PIGU: variants seen among roughly 807,000 people sequenced by gnomAD.
PIGU encodes GPI-anchor transamidase component PIGU.
In PIGU, 24 loss-of-function variants were observed where a neutral mutation model predicts 49.9. The ratio of observed to expected loss-of-function variants is 0.48; its 90% CI spans 0.35 to 0.68. The LOEUF (loss-of-function observed/expected upper bound fraction) is 0.68, where lower values mean the gene tolerates loss of function less well. PIGU is among the 30% of genes least tolerant of loss of function. PIGU has a pLI of 0.01. For missense variants in PIGU, 490 were observed against 532.6 expected (o/e 0.92, Z 0.79); for synonymous variants, 220 against 205.7 (o/e 1.07, Z -0.59).
intron 7 of PIGU, among the ~76,000 whole-genome samples, chr20:34,614,292 C>T (rs918330745): frequency 6.6e-6 from 1 of 151,772 alleles, no homozygotes; most frequent in African/African-American, 2.4e-5. Context: ...GAGTGAGACA[C>T]TGTCTCAAAA....
At chr20:34,657,642 T>C (rs959290658) in intron 1 of PIGU, among the ~76,000 whole-genome samples, 2 of 152,130 alleles carry the variant, frequency 1.3e-5, no homozygotes, top group African/African-American at 4.8e-5. Context: ...TGCTGCTCAT[T>C]TGAGTGACAT....
chr20:34,600,385 C>T (rs1265397126), intron 7 of PIGU, among the ~76,000 whole-genome samples: 1 of 147,056 alleles, frequency 6.8e-6, no homozygotes, highest in African/African-American at 2.5e-5. Flanking sequence ...CCAGCCTGGG[C>T]GACAGAGAAA....
At chr20:34,578,904 T>C (rs1032988743) in intron 10 of PIGU, 1 of 152,092 alleles carries the variant, frequency 6.6e-6, no homozygotes, top group African/African-American at 2.4e-5. Context: ...TGGAATCAGG[T>C]TCCCCACCAC....
chr20:34,631,225 T>G (rs1005838842), intron 6 of PIGU, among the ~76,000 whole-genome samples: 1 of 151,882 alleles, frequency 6.6e-6, no homozygotes, highest in Non-Finnish European at 1.5e-5. Context: ...ATAGAGGAGC[T>G]GGAAGATAAA....
chr20:34,605,033 G>A (rs749468418), intron 7 of PIGU, among the ~76,000 whole-genome samples: 2 of 152,080 alleles, frequency 1.3e-5, no homozygotes, highest in Non-Finnish European at 1.5e-5. Flanking sequence ...GGTCTCCCTC[G>A]AAGCCTTACA....
intron 7 of PIGU, among the ~76,000 whole-genome samples, chr20:34,589,982 A>C (rs564224855): frequency 6.6e-6 from 1 of 152,198 alleles, no homozygotes; most frequent in East Asian, 1.9e-4. Flanking sequence ...GTATGACAAC[A>C]GCAATTATGA....
chr20:34,653,927 G>A (rs577606264), intron 2 of PIGU, among the ~76,000 whole-genome samples: 24 of 151,300 alleles, frequency 1.6e-4, no homozygotes, highest in Non-Finnish European at 3.4e-4. Flanking sequence ...GCACCATCTC[G>A]GCTCACTGCA....
chr20:34,647,222 C>T (rs1332525123), intron 2 of PIGU, among the ~76,000 whole-genome samples: 3 of 152,078 alleles, frequency 2.0e-5, no homozygotes, highest in Non-Finnish European at 2.9e-5. Flanking sequence ...CCACCCACCT[C>T]GGCCTCCCAA....
intron 7 of PIGU, among the ~76,000 whole-genome samples, chr20:34,614,619 T>C (rs1364148279): frequency 7.7e-6 from 1 of 130,582 alleles, no homozygotes; most frequent in Non-Finnish European, 1.6e-5. Context: ...AGCAAGGACC[T>C]GCTCTCAAAA....
Position 34,585,333 on chromosome 20 carries a change from T to C in PIGU, c.926+104A>G, listed in dbSNP as rs1983654310. 4.4e-6 allele frequency: 6 copies of C among 1,369,420 alleles called. No individual in the cohort carries two copies. The South Asian group carries it at 8.2e-5, about 19-fold the overall frequency. The allele number at this position is 1,369,420 out of a possible 1,614,324, so 84.8% of individuals were successfully genotyped here. A position where few individuals can be genotyped will look rare whatever the true frequency, so the allele number is the denominator to read the frequency against. ...TTCCTTAGGTGAGATGCTCTAAACC[T>C]GACAGCAGGTGCTCCACATTTGAAG... On this transcript the variant is annotated intron_variant, in intron 9 of 11. Transcript: ENST00000217446.
At chr20:34,653,720 A>T in intron 2 of PIGU, among the ~76,000 whole-genome samples, 1 of 152,222 alleles carries the variant, frequency 6.6e-6, no homozygotes, top group East Asian at 1.9e-4. Context: ...AATAAGTGAT[A>T]AGAAGGGGAC....
chr20:34,638,801 A>C (rs993962775), intron 4 of PIGU, among the ~76,000 whole-genome samples: 1 of 152,148 alleles, frequency 6.6e-6, no homozygotes, highest in Non-Finnish European at 1.5e-5. Flanking sequence ...GTGTCCTAAC[A>C]AGTTCATGGG....
At chr20:34,654,711 T>C (rs1232623185) in intron 2 of PIGU, among the ~76,000 whole-genome samples, 1 of 119,212 alleles carries the variant, frequency 8.4e-6, no homozygotes, top group African/African-American at 3.1e-5. Flanking sequence ...GAGATAACTA[T>C]AAAAATTAAG....
In PIGU at chr20:34,644,231, C is replaced by A; in HGVS notation, c.256-5G>T. On this transcript the variant is annotated splice_polypyrimidine_tract_variant and splice_region_variant and intron_variant, in intron 3 of 11. Transcript: ENST00000217446. ...AGCAGTGAGTGCATCAGTTATCTGT[C>A]AAAAGAAAGAGAAATAATAGGAAAT... 1 of 1,598,998 alleles carries A rather than the reference C, an allele frequency of 6.3e-7. No individual in the cohort carries two copies. The highest frequency in any genetic ancestry group is 1.1e-5 in the South Asian group (1 of 90,596).
intron 11 of PIGU, among the ~76,000 whole-genome samples, chr20:34,570,628 T>C (rs1982968909): frequency 6.6e-6 from 1 of 152,164 alleles, no homozygotes; most frequent in African/African-American, 2.4e-5. Flanking sequence ...TTAGCCAGGA[T>C]GGTCTTGATC....
At chr20:34,615,959 C>G (rs1263930456) in intron 7 of PIGU, 83 bp downstream of exon 7, 4 of 1,492,916 alleles carry the variant, frequency 2.7e-6, no homozygotes, top group Non-Finnish European at 2.7e-6. Context: ...TTTACTAACC[C>G]GTGCCCTTCC....
At chr20:34,597,762 T>C (rs1984255940) in intron 7 of PIGU, among the ~76,000 whole-genome samples, 1 of 152,228 alleles carries the variant, frequency 6.6e-6, no homozygotes, top group Admixed American at 6.5e-5. Flanking sequence ...TGGAGGAATG[T>C]AGGTTATAGG....
chr20:34,655,535 A>C (rs1373146916), intron 2 of PIGU, among the ~76,000 whole-genome samples: 1 of 119,858 alleles, frequency 8.3e-6, no homozygotes, highest in East Asian at 2.6e-4. Context: ...TTAGCCAGGC[A>C]TAGTCACGGG....
At chr20:34,603,888 A>C (rs917569966) in intron 7 of PIGU, among the ~76,000 whole-genome samples, 32 of 150,700 alleles carry the variant, frequency 2.1e-4, no homozygotes, top group African/African-American at 6.3e-4. Context: ...ACACACACAC[A>C]CCACACCCCT....
Sources: gnomAD v4.1 joint callset for allele counts (sites outside exome capture counted in the v4.1 genomes callset) on GRCh38, gnomAD v4.1.1 for gene constraint, MANE v1.5 for transcripts, NCBI Gene and HGNC (gene_info 2026-07-23, HGNC 2026-07-21) for gene names.